Variants in SRP19 observed in about 807,000 individuals in gnomAD.
SRP19 encodes the protein signal recognition particle 19, also known as signal recognition particle 19 kDa protein.
Under a neutral mutation model 22.4 loss-of-function variants are expected in SRP19, and 11 were observed. The ratio of observed to expected loss-of-function variants is 0.49; its 90% CI spans 0.31 to 0.81. The LOEUF is 0.81. SRP19 is among the 40% of genes least tolerant of loss of function. SRP19 has a pLI of 0.05. For synonymous variants in SRP19, 61 were observed against 57.6 expected (o/e 1.06, Z -0.27); for missense variants, 168 against 175.9 (o/e 0.96, Z 0.25).
downstream of SRP19, chr5:112,894,311 G>A (rs376123492): frequency 6.6e-6 from 1 of 152,170 alleles, no homozygotes; most frequent in African/African-American, 2.4e-5. Flanking sequence ...GTAGAGACAG[G>A]GTTTCACCAT....
chr5:112,891,965 A>G (rs748197210), exon 5 of SRP19: 1 of 1,240,784 alleles, frequency 8.1e-7, no homozygotes, highest in South Asian at 1.2e-5. Flanking sequence ...GAAGAACAAG[A>G]GAGAAAGTTA....
intron 4 of SRP19, 48 bp downstream of exon 4, chr5:112,864,780 T>TATC (rs56159470): frequency 0.012 from 16,177 of 1,401,384 alleles, 174 homozygotes; most frequent in Non-Finnish European, 0.011. Flanking sequence ...AGGTTTCTCC[T>TATC]ACACAACACA....
At chr5:112,870,674 T>TG (rs1462774954), downstream of SRP19, among the ~76,000 whole-genome samples, 1 of 152,136 alleles carries the variant, frequency 6.6e-6, no homozygotes, top group East Asian at 1.9e-4. Context: ...GATTGGGCCA[T>TG]GGGGGCTGTG....
At chr5:112,867,336 AT>A (rs1767639979) in intron 4 of SRP19, 67 bp from the exon 5 acceptor site, 2 of 1,541,038 alleles carry the variant, frequency 1.3e-6, no homozygotes, top group Admixed American at 2.0e-5. Context: ...ACTTTGTGAT[AT>A]TCAATTTGAT....
At chr5:112,894,157 C>T (rs922983588), downstream of SRP19, 1 of 144,890 alleles carries the variant, frequency 6.9e-6, no homozygotes, top group Admixed American at 7.1e-5. Context: ...GAGTCTTGCT[C>T]TGTTGCCAGG....
exon 5 of SRP19, chr5:112,892,306 G>A: frequency 1.2e-6 from 2 of 1,614,112 alleles, no homozygotes; most frequent in South Asian, 2.2e-5. Flanking sequence ...CAGGAGGGAT[G>A]ACTATGACCC....
intron 4 of SRP19, among the ~76,000 whole-genome samples, chr5:112,888,794 A>G (rs1451620675): frequency 6.6e-6 from 1 of 150,804 alleles, no homozygotes; most frequent in Non-Finnish European, 1.5e-5. Flanking sequence ...GCCAAGGTGC[A>G]AGGATTGCTT....
At position 112,861,316 on chromosome 5, in the gene SRP19, C is replaced by A. The variant is rs1580710091; in HGVS notation, c.-61C>A. On this transcript the variant is annotated 5_prime_UTR_variant, in exon 1 of 5. Transcript: ENST00000505459. ...TGTCTCGGAAACTCAGAGCCGGGTT[C>A]CTCCCGGGTTTCTGCCGGGTTTCTC... The A allele has an allele frequency of 6.3e-7, 1 of 1,595,130 alleles. No individual in the cohort carries two copies. The highest frequency in any genetic ancestry group is 8.6e-7 in the Non-Finnish European group (1 of 1,162,996).
intron 4 of SRP19, among the ~76,000 whole-genome samples, chr5:112,880,060 T>G (rs1272707332): frequency 2.6e-5 from 4 of 152,144 alleles, no homozygotes; most frequent in African/African-American, 9.7e-5. Context: ...TTCTCTCCTA[T>G]GATGAGAAGA....
In SRP19 at chr5:112,861,372, T is replaced by C. The variant is rs762085726; in HGVS notation, c.-5T>C. 13 of 1,614,060 alleles carry C rather than the reference T, an allele frequency of 8.1e-6. No homozygotes were observed. The highest frequency in any genetic ancestry group is 1.1e-5 in the Non-Finnish European group (13 of 1,180,042). On this transcript the variant is annotated 5_prime_UTR_variant, in exon 1 of 5. Transcript: ENST00000505459. Reference sequence around the variant, plus strand: ...GGCTCCTGGGTTGTTGAGACTCTTGTGAAGATGGCTTGCGCTGCCGCGCGG... The same window carrying C: ...GGCTCCTGGGTTGTTGAGACTCTTGCGAAGATGGCTTGCGCTGCCGCGCGG...
chr5:112,866,689 C>A (rs1038233654), intron 4 of SRP19, among the ~76,000 whole-genome samples: 1 of 152,126 alleles, frequency 6.6e-6, no homozygotes, highest in Non-Finnish European at 1.5e-5. Context: ...TTGCTAGATG[C>A]TTCAGGTTGT....
intron 4 of SRP19, chr5:112,877,321 T>C (rs913026397): frequency 6.6e-6 from 1 of 152,210 alleles, no homozygotes; most frequent in Non-Finnish European, 1.5e-5. Flanking sequence ...TAAAAAATAC[T>C]GTACTGGCTG....
At chr5:112,886,278 C>T (rs890023720) in intron 4 of SRP19, among the ~76,000 whole-genome samples, 1 of 152,232 alleles carries the variant, frequency 6.6e-6, no homozygotes. Flanking sequence ...TGGCATCCAG[C>T]AGTCCAAGGT....
chr5:112,897,830 G>A (rs575964385), downstream of SRP19: 9 of 152,200 alleles, frequency 5.9e-5, no homozygotes, highest in East Asian at 5.8e-4. Context: ...AGGCCGAGGC[G>A]GGCAGATCAC....
At chr5:112,887,055 T>C in intron 4 of SRP19, 1 of 1,613,270 alleles carries the variant, frequency 6.2e-7, no homozygotes, top group Non-Finnish European at 8.5e-7. Flanking sequence ...TGGCCTTGTC[T>C]TTAAGGTCCT....
chr5:112,880,332 G>A (rs184202764), intron 4 of SRP19, among the ~76,000 whole-genome samples: 4 of 152,300 alleles, frequency 2.6e-5, no homozygotes, highest in Admixed American at 2.0e-4. Context: ...CAGGGAATGT[G>A]CTATGAGAAC....
intron 4 of SRP19, among the ~76,000 whole-genome samples, chr5:112,866,178 G>A (rs187074): frequency 5.3e-5 from 8 of 150,140 alleles, no homozygotes; most frequent in African/African-American, 7.4e-5. Context: ...GTGCAATGGC[G>A]TGATCTTGGC....
intron 4 of SRP19, among the ~76,000 whole-genome samples, chr5:112,865,524 A>G (rs1021353136): frequency 6.6e-6 from 1 of 152,162 alleles, no homozygotes; most frequent in African/African-American, 2.4e-5. Flanking sequence ...TTTCAGTTTA[A>G]TAACCCCCTC....
chr5:112,873,167 G>GA (rs1767794498), downstream of SRP19, among the ~76,000 whole-genome samples: 1 of 149,650 alleles, frequency 6.7e-6, no homozygotes, highest in African/African-American at 2.5e-5. Context: ...TCAGCTCTGG[G>GA]AAAGTTTTTT....
Sources: allele counts gnomAD v4.1 joint callset (sites outside exome capture counted in the v4.1 genomes callset), GRCh38; gene constraint gnomAD v4.1.1; transcripts MANE v1.5; gene names NCBI Gene and HGNC (gene_info 2026-07-23, HGNC 2026-07-21).